RUNX1T1: variants seen among roughly 807,000 people sequenced by gnomAD.
RUNX1T1 encodes RUNX1 partner transcriptional co-repressor 1.
A neutral mutation model predicts 62.8 loss-of-function variants in RUNX1T1; 4 were observed. The ratio of observed to expected loss-of-function variants is 0.06; its 90% CI spans 0.03 to 0.15. RUNX1T1 has a LOEUF of 0.15. Ranked by LOEUF, RUNX1T1 falls within the 10% of genes least tolerant of loss-of-function variation. RUNX1T1 has a pLI of 1.00. For missense variants in RUNX1T1, 508 were observed against 754.3 expected (o/e 0.67, Z 3.82); for synonymous variants, 291 against 286.0 (o/e 1.02, Z -0.18).
At chr8:91,961,564 G>C (rs1444289764) in intron 10 of RUNX1T1, among the ~76,000 whole-genome samples, 1 of 152,202 alleles carries the variant, frequency 6.6e-6, no homozygotes, top group East Asian at 1.9e-4. Flanking sequence ...TCACGAATTA[G>C]AGCACAAACA....
At chr8:92,016,417 C>T (rs969897644) in intron 2 of RUNX1T1, among the ~76,000 whole-genome samples, 1 of 152,186 alleles carries the variant, frequency 6.6e-6, no homozygotes, top group Non-Finnish European at 1.5e-5. Context: ...TGGCTCACGC[C>T]TGTAATCCCA....
chr8:92,048,440 A>T (rs2130319367), intron 1 of RUNX1T1, among the ~76,000 whole-genome samples: 1 of 152,242 alleles, frequency 6.6e-6, no homozygotes, highest in Middle Eastern at 3.4e-3. Flanking sequence ...ACACTTTGAG[A>T]ACCCAAGGCA....
intron 1 of RUNX1T1, among the ~76,000 whole-genome samples, chr8:92,086,915 C>T (rs1281568667): frequency 2.6e-5 from 4 of 152,218 alleles, no homozygotes; most frequent in Admixed American, 2.0e-4. Flanking sequence ...CTCGCCTGGC[C>T]TTGGCCTCCA....
chr8:92,083,648 G>GT (rs899505024), intron 1 of RUNX1T1, among the ~76,000 whole-genome samples: 23 of 152,326 alleles, frequency 1.5e-4, no homozygotes, highest in African/African-American at 5.3e-4. Context: ...TACACTGTTG[G>GT]TGGGGGTATA....
chr8:92,056,671 T>C (rs1831092175), intron 1 of RUNX1T1, among the ~76,000 whole-genome samples: 1 of 152,036 alleles, frequency 6.6e-6, no homozygotes, highest in African/African-American at 2.4e-5. Flanking sequence ...TTCTTAAGAA[T>C]GTACTCATCT....
intron 1 of RUNX1T1, among the ~76,000 whole-genome samples, chr8:92,019,719 C>T (rs903325599): frequency 6.6e-6 from 1 of 152,066 alleles, no homozygotes; most frequent in Non-Finnish European, 1.5e-5. Context: ...AAGTTTCCTC[C>T]TCAATTTTAA....
At chr8:92,014,593 C>T (rs150721308) in exon 3 of RUNX1T1, 8 of 1,605,578 alleles carry the variant, frequency 5.0e-6, no homozygotes, top group Non-Finnish European at 6.8e-6. Context: ...AGTCCCAGAA[C>T]GAGGGTGCGA....
chr8:91,967,371 C>T (rs942572839), intron 10 of RUNX1T1, among the ~76,000 whole-genome samples: 7 of 151,970 alleles, frequency 4.6e-5, no homozygotes, highest in South Asian at 4.2e-4. Context: ...AAATTTTACA[C>T]GCCCCCCTCC....
At chr8:91,980,475 A>G (rs1814982820) in intron 8 of RUNX1T1, among the ~76,000 whole-genome samples, 2 of 152,194 alleles carry the variant, frequency 1.3e-5, no homozygotes, top group Admixed American at 1.3e-4. Flanking sequence ...AAGGTACAAC[A>G]GATTTACTAC....
chr8:92,036,431 A>G (rs1827427382), intron 1 of RUNX1T1, among the ~76,000 whole-genome samples: 1 of 152,236 alleles, frequency 6.6e-6, no homozygotes, highest in Admixed American at 6.5e-5. Flanking sequence ...TAATATCACT[A>G]GTACTTCCCT....
chr8:92,074,375 G>T (rs1834116854), intron 2 of RUNX1T1, among the ~76,000 whole-genome samples: 1 of 152,182 alleles, frequency 6.6e-6, no homozygotes, highest in African/African-American at 2.4e-5. Flanking sequence ...AGTGGGTAAA[G>T]ATAGTAACTC....
intron 1 of RUNX1T1, among the ~76,000 whole-genome samples, chr8:92,079,850 C>T (rs2130806366): frequency 6.6e-6 from 1 of 152,254 alleles, no homozygotes; most frequent in African/African-American, 2.4e-5. Context: ...GCTTCGTTCA[C>T]TGACTTCACG....
intron 6 of RUNX1T1, among the ~76,000 whole-genome samples, chr8:91,991,219 A>G (rs1194379687): frequency 1.3e-5 from 2 of 152,170 alleles, no homozygotes; most frequent in Admixed American, 1.3e-4. Flanking sequence ...AATCAAAATA[A>G]ACGTAGAGAC....
chr8:92,036,302 T>C (rs1245369605), intron 1 of RUNX1T1, among the ~76,000 whole-genome samples: 6 of 152,232 alleles, frequency 3.9e-5, no homozygotes, highest in Non-Finnish European at 2.9e-5. Flanking sequence ...AAATTAATTA[T>C]GAAAGCAATA....
intron 8 of RUNX1T1, among the ~76,000 whole-genome samples, chr8:91,980,726 C>T (rs1815036847): frequency 6.6e-6 from 1 of 152,128 alleles, no homozygotes; most frequent in South Asian, 2.1e-4. Context: ...GGCTGCGGGG[C>T]AGTGGCATAA....
chr8:91,958,540 C>G (rs1586664862), downstream of RUNX1T1: 1 of 184,982 alleles, frequency 5.4e-6, no homozygotes, highest in Non-Finnish European at 1.1e-5. Flanking sequence ...ATTAGAAATA[C>G]TTAAACGACC....
chr8:92,027,040 C>T (rs1335343782), intron 1 of RUNX1T1, among the ~76,000 whole-genome samples: 3 of 147,556 alleles, frequency 2.0e-5, no homozygotes, highest in East Asian at 2.0e-4. Flanking sequence ...GGCGTGAACC[C>T]GGGAGGCGGA....
At chr8:92,031,711 C>T (rs1402898257) in intron 1 of RUNX1T1, among the ~76,000 whole-genome samples, 1 of 152,074 alleles carries the variant, frequency 6.6e-6, no homozygotes, top group Non-Finnish European at 1.5e-5. Flanking sequence ...CTCGAGCAAT[C>T]CTCCTGCCTC....
chr8:92,094,967 A>T, intron 1 of RUNX1T1: 1 of 1,261,758 alleles, frequency 7.9e-7, no homozygotes, highest in Non-Finnish European at 1.1e-6. Context: ...GAGTCTCTTT[A>T]AACCTATTCA....
Sources: gnomAD v4.1 joint callset for allele counts (sites outside exome capture counted in the v4.1 genomes callset) on GRCh38, gnomAD v4.1.1 for gene constraint, MANE v1.5 for transcripts, NCBI Gene and HGNC (gene_info 2026-07-23, HGNC 2026-07-21) for gene names.